The following NELL1 variants were observed in gnomAD, a reference collection of about 807,000 sequenced individuals.
NELL1 encodes protein kinase C-binding protein NELL1.
Under a neutral mutation model 107.4 loss-of-function variants are expected in NELL1, and 76 were observed. The ratio of observed to expected loss-of-function variants is 0.71; its 90% CI spans 0.59 to 0.86. The LOEUF (loss-of-function observed/expected upper bound fraction) is 0.86. Among genes scored for constraint, NELL1 ranks in the 40% least tolerant of loss-of-function variants. The pLI is 0.00. For missense variants in NELL1, 1,024 were observed against 1,005.5 expected, an observed-to-expected ratio of 1.02 and a Z score of -0.25; for synonymous variants, 353 against 341.2, an observed-to-expected ratio of 1.03 and a Z score of -0.38.
chr11:21,075,224 A>G (rs144296440), intron 12 of NELL1, among the ~76,000 whole-genome samples: 1 of 152,288 alleles, frequency 6.6e-6, no homozygotes, highest in East Asian at 1.9e-4. Flanking sequence ...GGAATTTAGT[A>G]CCTTTTAAAT....
chr11:20,930,488 T>C (rs1231836307), intron 9 of NELL1, among the ~76,000 whole-genome samples: 1 of 152,234 alleles, frequency 6.6e-6, no homozygotes, highest in Non-Finnish European at 1.5e-5. Context: ...AAGTCATTGA[T>C]ATCTAGATTG....
At chr11:21,088,627 A>G (rs1428874311) in intron 12 of NELL1, among the ~76,000 whole-genome samples, 1 of 152,184 alleles carries the variant, frequency 6.6e-6, no homozygotes, top group Non-Finnish European at 1.5e-5. Flanking sequence ...TATGCTGCCT[A>G]TACAGGTCAA....
chr11:21,107,693 G>A (rs772981310), intron 12 of NELL1, among the ~76,000 whole-genome samples: 1 of 152,148 alleles, frequency 6.6e-6, no homozygotes, highest in Non-Finnish European at 1.5e-5. Flanking sequence ...AGAGGGGGTG[G>A]CCCAAGAGAA....
chr11:21,422,753 A>G lies in NELL1; in HGVS notation c.1645+51805A>G, dbSNP rs78844249. ...AAAAAGAGTAACTAAAACAAAACAC[A>G]GTAATATAGAATATCAGGGACAAAA... On this transcript the variant is annotated intron_variant, in intron 15 of 19. Transcript: ENST00000357134. Among the ~76,000 whole-genome samples, 1,241 of 151,924 alleles carry G rather than the reference A, an allele frequency of 8.2e-3. 16 individuals carry two copies. The highest frequency in any genetic ancestry group is 0.027 in the African/African-American group (1,125 of 41,228).
At chr11:21,332,050 T>C (rs987519636) in intron 14 of NELL1, among the ~76,000 whole-genome samples, 1 of 152,050 alleles carries the variant, frequency 6.6e-6, no homozygotes, top group Non-Finnish European at 1.5e-5. Flanking sequence ...ACTATTTCTA[T>C]AGATGGTCTT....
At chr11:20,886,409 A>G (rs1425763458) in intron 5 of NELL1, among the ~76,000 whole-genome samples, 1 of 152,124 alleles carries the variant, frequency 6.6e-6, no homozygotes, top group African/African-American at 2.4e-5. Flanking sequence ...GGCAGACTAG[A>G]TATTCTAAAA....
intron 2 of NELL1, among the ~76,000 whole-genome samples, chr11:20,765,492 G>A (rs1590273303): frequency 6.6e-6 from 1 of 152,160 alleles, no homozygotes; most frequent in African/African-American, 2.4e-5. Flanking sequence ...AATTAACATA[G>A]ACCAGGAGGC....
chr11:21,537,322 A>G (rs942945438), intron 16 of NELL1, among the ~76,000 whole-genome samples: 2 of 152,184 alleles, frequency 1.3e-5, no homozygotes, highest in South Asian at 2.1e-4. Flanking sequence ...TTTAGATGAT[A>G]TTGTTCCTGC....
At chr11:21,257,812 A>C (rs1398729796) in intron 14 of NELL1, among the ~76,000 whole-genome samples, 1 of 151,982 alleles carries the variant, frequency 6.6e-6, no homozygotes, top group African/African-American at 2.4e-5. Flanking sequence ...TGCCAGTTTA[A>C]TGGTAGGAGG....
chr11:20,926,405 G>T (rs1564970507), intron 7 of NELL1, among the ~76,000 whole-genome samples: 1 of 152,122 alleles, frequency 6.6e-6, no homozygotes, highest in Non-Finnish European at 1.5e-5. Flanking sequence ...TGAAGATTAG[G>T]TTTGCTCAGG....
chr11:21,329,770 G>T (rs1017489491), intron 14 of NELL1, among the ~76,000 whole-genome samples: 1 of 151,572 alleles, frequency 6.6e-6, no homozygotes, highest in Admixed American at 6.6e-5. Flanking sequence ...TTCCTCTAGG[G>T]CTTACCATAT....
chr11:20,814,034 C>G (rs1402597841), intron 3 of NELL1, among the ~76,000 whole-genome samples: 1 of 151,412 alleles, frequency 6.6e-6, no homozygotes, highest in Non-Finnish European at 1.5e-5. Context: ...CTTGCTCTGC[C>G]ACCCAGGCTG....
chr11:20,807,797 C>T (rs1391644568), intron 3 of NELL1, among the ~76,000 whole-genome samples: 1 of 152,096 alleles, frequency 6.6e-6, no homozygotes, highest in East Asian at 1.9e-4. Context: ...TCCCCTTTTC[C>T]CAGGTGGAGG....
At chr11:21,367,220 T>C (rs906998762) in intron 14 of NELL1, among the ~76,000 whole-genome samples, 9 of 151,270 alleles carry the variant, frequency 5.9e-5, no homozygotes, top group Middle Eastern at 3.4e-3. Context: ...AGCAAGTTAA[T>C]AACAAATGGC....
chr11:21,257,891 TACCA>T (rs1858809925), intron 14 of NELL1, among the ~76,000 whole-genome samples: 1 of 151,954 alleles, frequency 6.6e-6, no homozygotes, highest in Admixed American at 6.6e-5. Context: ...GTGACAAATG[TACCA>T]ACCAGCAAGA....
chr11:20,923,050 C>G (rs950343203), intron 7 of NELL1, among the ~76,000 whole-genome samples: 2 of 152,112 alleles, frequency 1.3e-5, no homozygotes, highest in Non-Finnish European at 2.9e-5. Flanking sequence ...CTTGAAATCA[C>G]AAAGTCTGGT....
At chr11:21,391,295 T>A (rs1043337479) in intron 15 of NELL1, among the ~76,000 whole-genome samples, 1 of 151,790 alleles carries the variant, frequency 6.6e-6, no homozygotes, top group African/African-American at 2.4e-5. Context: ...TGGCCGTTTT[T>A]TCATCCTCAG....
intron 5 of NELL1, among the ~76,000 whole-genome samples, chr11:20,893,041 A>C (rs1849650691): frequency 2.0e-5 from 3 of 152,194 alleles, no homozygotes; most frequent in Admixed American, 6.5e-5. Context: ...GACTAAAGAA[A>C]ATGTGGTACA....
At chr11:20,709,980 T>A (rs1855070677) in intron 2 of NELL1, among the ~76,000 whole-genome samples, 1 of 152,208 alleles carries the variant, frequency 6.6e-6, no homozygotes. Flanking sequence ...AGATATACGA[T>A]CATATCTTCA....
Sources: gnomAD v4.1 joint callset for allele counts (sites outside exome capture counted in the v4.1 genomes callset) on GRCh38, gnomAD v4.1.1 for gene constraint, MANE v1.5 for transcripts, NCBI Gene and HGNC (gene_info 2026-07-23, HGNC 2026-07-21) for gene names.